Variants in FAM13B observed in about 807,000 individuals in gnomAD.
The protein encoded by FAM13B is family with sequence similarity 13 member B.
A neutral mutation model predicts 117.3 loss-of-function variants in FAM13B; 60 were observed. That is an observed-to-expected ratio of 0.51 (90% CI 0.42 to 0.63). FAM13B has a LOEUF of 0.63. Ranked by LOEUF, FAM13B falls within the 30% of genes least tolerant of loss-of-function variation. The pLI is 0.00. For synonymous variants in FAM13B, 332 were observed against 356.1 expected, an observed-to-expected ratio of 0.93 and a Z score of 0.76; for missense variants, 972 against 1,091.9, an observed-to-expected ratio of 0.89 and a Z score of 1.55.
chr5:137,981,056 G>A (rs919203303), intron 10 of FAM13B, among the ~76,000 whole-genome samples: 3 of 150,518 alleles, frequency 2.0e-5, no homozygotes, highest in Non-Finnish European at 4.4e-5. Context: ...GGACCACAGG[G>A]GAGCACCACT....
intron 7 of FAM13B, among the ~76,000 whole-genome samples, chr5:137,997,488 T>A (rs1780166834): frequency 2.0e-5 from 3 of 150,322 alleles, no homozygotes; most frequent in African/African-American, 4.9e-5. Context: ...TATATATATA[T>A]AATATATATA....
chr5:137,945,885 T>C lies in FAM13B; in HGVS notation c.2340+17A>G. 3 of 1,573,490 alleles carry C rather than the reference T, an allele frequency of 1.9e-6. No homozygotes were observed. The highest frequency in any genetic ancestry group is 2.6e-6 in the Non-Finnish European group (3 of 1,148,990). Reference sequence around the variant, plus strand: ...CTTGATAAAATGAACCAGAGAATTATTGCTTATTTTACTTACAAGGACAGG... The same window carrying C: ...CTTGATAAAATGAACCAGAGAATTACTGCTTATTTTACTTACAAGGACAGG... On this transcript the variant is annotated intron_variant, in intron 20 of 23. Coordinates refer to ENST00000689681, the MANE Select transcript of FAM13B (RefSeq NM_001385994.1).
intron 1 of FAM13B, among the ~76,000 whole-genome samples, chr5:138,026,983 AAATT>A (rs770342014): frequency 3.8e-5 from 5 of 131,986 alleles, no homozygotes; most frequent in East Asian, 2.3e-4. Context: ...ATAAATAAAT[AAATT>A]AGCGAAGTGT....
chr5:138,046,969 C>G (rs550887971), intron 1 of FAM13B, among the ~76,000 whole-genome samples: 2 of 152,050 alleles, frequency 1.3e-5, no homozygotes, highest in Admixed American at 1.3e-4. Context: ...TGGTCTTGAA[C>G]TCCTGACCTT....
intron 10 of FAM13B, among the ~76,000 whole-genome samples, chr5:137,974,781 G>T (rs954319672): frequency 6.6e-6 from 1 of 150,956 alleles, no homozygotes; most frequent in Non-Finnish European, 1.5e-5. Flanking sequence ...CAATATTCTA[G>T]CCCAGGTGTT....
intron 1 of FAM13B, among the ~76,000 whole-genome samples, chr5:138,022,582 T>C (rs753517617): frequency 2.0e-5 from 3 of 152,232 alleles, no homozygotes; most frequent in Non-Finnish European, 4.4e-5. Flanking sequence ...AAATGCCTGC[T>C]AAGACATGTA....
intron 7 of FAM13B, among the ~76,000 whole-genome samples, chr5:137,996,685 G>A (rs905165202): frequency 2.0e-5 from 3 of 151,798 alleles, no homozygotes; most frequent in Admixed American, 6.6e-5. Context: ...TCCACCTTCC[G>A]CGTTCAAGCG....
At chr5:137,984,055 T>TA (rs1183969540) in intron 10 of FAM13B, among the ~76,000 whole-genome samples, 3 of 152,160 alleles carry the variant, frequency 2.0e-5, no homozygotes, top group African/African-American at 4.8e-5. Context: ...GCAATTATAT[T>TA]AAAAAAAGTT....
At chr5:138,024,822 G>C (rs1414876785) in intron 1 of FAM13B, among the ~76,000 whole-genome samples, 32 of 150,098 alleles carry the variant, frequency 2.1e-4, no homozygotes, top group African/African-American at 6.4e-4. Flanking sequence ...CAGAGAGAGA[G>C]AGAGAGAGAG....
At chr5:137,972,865 C>T (rs1012382717) in intron 10 of FAM13B, among the ~76,000 whole-genome samples, 2 of 151,844 alleles carry the variant, frequency 1.3e-5, no homozygotes, top group African/African-American at 4.8e-5. Flanking sequence ...ACAATTGCTT[C>T]AAAGAGAATA....
chr5:138,033,139 TG>T (rs965982568), upstream of FAM13B: 70 of 54,098 alleles, frequency 1.3e-3, no homozygotes, highest in African/African-American at 4.8e-3. Flanking sequence ...AGGCCGCTGG[TG>T]GGGGCGGGGC....
At chr5:137,946,175 C>T in intron 19 of FAM13B, 53 bp downstream of exon 19, 1 of 1,474,028 alleles carries the variant, frequency 6.8e-7, no homozygotes, top group Non-Finnish European at 9.3e-7. Flanking sequence ...AAAATTGATT[C>T]ATGTTCTTTT....
chr5:137,943,222 A>G lies in FAM13B; in HGVS notation c.2341-6T>C, dbSNP rs772930122. 29 of 1,606,370 alleles carry G rather than the reference A, an allele frequency of 1.8e-5. No homozygotes were observed. The highest frequency in any genetic ancestry group is 9.4e-5 in the African/African-American group (7 of 74,756). ...CGCTTGGTGGATGGAGATCCCTATA[A>G]CAATCAATAATATAAATAGTTTTAC... On this transcript the variant is annotated splice_region_variant and splice_polypyrimidine_tract_variant and intron_variant, in intron 20 of 23. Coordinates refer to ENST00000689681, the MANE Select transcript of FAM13B (RefSeq NM_001385994.1).
chr5:137,985,482 CTT>C (rs1776961345), intron 9 of FAM13B, 93 bp from the exon 10 acceptor site: 1 of 1,252,046 alleles, frequency 8.0e-7, no homozygotes, highest in African/African-American at 1.5e-5. Context: ...TGATCTGAAA[CTT>C]TTACTTGTTA....
At chr5:138,023,512 A>C (rs1321218933) in intron 1 of FAM13B, among the ~76,000 whole-genome samples, 3 of 152,180 alleles carry the variant, frequency 2.0e-5, no homozygotes, top group African/African-American at 7.2e-5. Context: ...TAATCACTAT[A>C]CTATTTTTTC....
At chr5:138,019,528 T>C (rs1281437927) in intron 2 of FAM13B, among the ~76,000 whole-genome samples, 2 of 152,226 alleles carry the variant, frequency 1.3e-5, no homozygotes, top group Non-Finnish European at 2.9e-5. Context: ...GACTGTGCCA[T>C]ATAAAGCTCA....
chr5:138,026,705 C>T (rs867793176), intron 1 of FAM13B, among the ~76,000 whole-genome samples: 5 of 145,696 alleles, frequency 3.4e-5, no homozygotes, highest in African/African-American at 1.0e-4. Context: ...TTTGGGAGGT[C>T]GAGACGGGTG....
intron 7 of FAM13B, among the ~76,000 whole-genome samples, chr5:138,000,379 A>T (rs1780920562): frequency 6.6e-6 from 1 of 152,152 alleles, no homozygotes; most frequent in Non-Finnish European, 1.5e-5. Flanking sequence ...AGCCTGGGTG[A>T]CACAGCAAGA....
At chr5:138,029,708 C>T (rs1455182819) in intron 1 of FAM13B, among the ~76,000 whole-genome samples, 1 of 152,216 alleles carries the variant, frequency 6.6e-6, no homozygotes, top group Non-Finnish European at 1.5e-5. Context: ...TCAGCACCTA[C>T]TATGTCAATC....
Sources: gnomAD v4.1 joint callset for allele counts (sites outside exome capture counted in the v4.1 genomes callset) on GRCh38, gnomAD v4.1.1 for gene constraint, MANE v1.5 for transcripts, NCBI Gene and HGNC (gene_info 2026-07-23, HGNC 2026-07-21) for gene names.